Variants in URM1 observed in about 807,000 individuals in gnomAD.
URM1 encodes the protein ubiquitin related modifier 1.
URM1 carries 11 observed loss-of-function variants against 17.7 expected under a neutral mutation model. The ratio of observed to expected loss-of-function variants is 0.62; its 90% CI spans 0.39 to 1.03. The LOEUF (loss-of-function observed/expected upper bound fraction) is 1.03. URM1 is among the 50% of genes least tolerant of loss of function. URM1 has a pLI of 0.00. For synonymous variants in URM1, 48 were observed against 50.6 expected (o/e 0.95, Z 0.22); for missense variants, 128 against 129.2 (o/e 0.99, Z 0.04).
chr9:128,385,716 T>A (rs1376759162), intron 2 of URM1, among the ~76,000 whole-genome samples: 1 of 151,756 alleles, frequency 6.6e-6, no homozygotes, highest in African/African-American at 2.4e-5. Flanking sequence ...TCCCTGGGGG[T>A]GTGTTTCAGG....
At chr9:128,371,880 C>A (rs1012160295) in intron 1 of URM1, among the ~76,000 whole-genome samples, 1 of 152,208 alleles carries the variant, frequency 6.6e-6, no homozygotes, top group East Asian at 1.9e-4. Context: ...GGACTTTTTT[C>A]TTTTTCTTTC....
intron 1 of URM1, among the ~76,000 whole-genome samples, chr9:128,373,148 C>A (rs1833033762): frequency 6.6e-6 from 1 of 151,952 alleles, no homozygotes; most frequent in Non-Finnish European, 1.5e-5. Flanking sequence ...CAATAATGAC[C>A]CCTGGCAAGG....
intron 2 of URM1, among the ~76,000 whole-genome samples, chr9:128,384,619 C>T (rs146452361): frequency 1.2e-4 from 18 of 152,276 alleles, no homozygotes; most frequent in Admixed American, 7.2e-4. Context: ...CTGGGCAGAG[C>T]GTGCAGAAAC....
At chr9:128,373,896 A>C (rs191419428) in intron 1 of URM1, among the ~76,000 whole-genome samples, 1 of 152,370 alleles carries the variant, frequency 6.6e-6, no homozygotes, top group East Asian at 1.9e-4. Context: ...GAAGTAAATA[A>C]ACAAAATATA....
At position 128,378,096 on chromosome 9, in the gene URM1, G is replaced by A; in HGVS notation, c.96G>A (p.Gln32=). The change falls in exon 2 of 5, where the codon CAG becomes CAA. Residue 32 remains glutamine (Q), a synonymous_variant. Coordinates refer to ENST00000372853, the MANE Select transcript of URM1 (RefSeq NM_030914.4). ...IKKHRVTLPG[Q]EEPWDIRNLL... Reference sequence around the variant, plus strand: ...AACATCGAGTCACTTTGCCTGGACAGGAGGAACCCTGTGAGTATTGGCTTT... The same window carrying A: ...AACATCGAGTCACTTTGCCTGGACAAGAGGAACCCTGTGAGTATTGGCTTT... The A allele has an allele frequency of 6.2e-7, 1 of 1,607,600 alleles. No individual in the cohort carries two copies. The highest frequency in any genetic ancestry group is 8.5e-7 in the Non-Finnish European group (1 of 1,177,090).
intron 2 of URM1, among the ~76,000 whole-genome samples, chr9:128,384,096 C>T (rs1402714973): frequency 6.6e-6 from 1 of 152,180 alleles, no homozygotes; most frequent in Non-Finnish European, 1.5e-5. Flanking sequence ...ATTATTATCC[C>T]TGCTTGTCAG....
intron 1 of URM1, among the ~76,000 whole-genome samples, chr9:128,371,823 C>T (rs966350146): frequency 6.6e-6 from 1 of 152,208 alleles, no homozygotes; most frequent in South Asian, 2.1e-4. Flanking sequence ...TTTCTTTTTA[C>T]ACTGTTATTA....
chr9:128,379,582 G>A (rs1833130672), intron 2 of URM1, among the ~76,000 whole-genome samples: 1 of 151,976 alleles, frequency 6.6e-6, no homozygotes, highest in Non-Finnish European at 1.5e-5. Flanking sequence ...GGTGGATCAC[G>A]AGGTCAGGAG....
At chr9:128,374,550 C>T (rs1275903343) in intron 1 of URM1, among the ~76,000 whole-genome samples, 1 of 152,102 alleles carries the variant, frequency 6.6e-6, no homozygotes, top group Non-Finnish European at 1.5e-5. Context: ...GCCCTGTGCG[C>T]GGCCACAGAT....
intron 2 of URM1, among the ~76,000 whole-genome samples, chr9:128,386,755 C>T (rs1833232813): frequency 6.6e-6 from 1 of 152,382 alleles, no homozygotes; most frequent in Middle Eastern, 3.4e-3. Flanking sequence ...CCTGGGACTT[C>T]TCCAGCTTAG....
chr9:128,373,876 AG>A (rs1833043252), intron 1 of URM1, among the ~76,000 whole-genome samples: 1 of 152,214 alleles, frequency 6.6e-6, no homozygotes, highest in Admixed American at 6.5e-5. Context: ...GCAGCCCAGC[AG>A]GTGGAGAGGA....
chr9:128,387,698 G>T lies in URM1; in HGVS notation c.107-118G>T. 1 of 1,516,054 alleles carries T rather than the reference G, an allele frequency of 6.6e-7. No homozygotes were observed. Among genetic ancestry groups the T allele is most frequent in the South Asian group, 1.2e-5 (1 of 81,186 alleles). The allele number at this position is 1,516,054 out of a possible 1,614,324, so 93.9% of individuals were successfully genotyped here. ...ACAAGTTCATGGGCTATCACAGCCT[G>T]GTCTAAAAGAAGCCCTCTAAACACC... On this transcript the variant is annotated intron_variant, in intron 2 of 4. Transcript: ENST00000372853. The surrounding 1 kb of genome is among the most constrained non-coding windows in gnomAD (Gnocchi z 4.3).
chr9:128,380,482 C>G (rs930791900), intron 2 of URM1, among the ~76,000 whole-genome samples: 1 of 152,166 alleles, frequency 6.6e-6, no homozygotes, highest in African/African-American at 2.4e-5. Flanking sequence ...GGCCATGCAG[C>G]CTTGGGAGGG....
At chr9:128,388,354 C>T (rs1416458415) in intron 3 of URM1, 1 of 996,380 alleles carries the variant, frequency 1.0e-6, no homozygotes, top group African/African-American at 1.7e-5. Flanking sequence ...GAGTCATTGA[C>T]TCTGTGCGTG....
At position 128,389,743 on chromosome 9, in the gene URM1, C is replaced by T. The variant is rs1833281126; in HGVS notation, c.*9C>T. On this transcript the variant is annotated 3_prime_UTR_variant, in exon 5 of 5. Transcript: ENST00000372853. The stretch of plus-strand genomic sequence containing the variant: ...CTCTGCACGGCGGCTGAGGGCCCTT[C>T]TCTGGGCCTGGGCACCCTTAGAGGG... 1 of 1,613,330 alleles carries T rather than the reference C, an allele frequency of 6.2e-7. No individual in the cohort carries two copies. Among genetic ancestry groups the T allele is most frequent in the Admixed American group, 1.7e-5 (1 of 59,988 alleles).
At position 128,387,068 on chromosome 9, in the gene URM1, T is replaced by C. The variant is rs1006953293; in HGVS notation, c.107-748T>C. 2.0e-5 allele frequency among the ~76,000 whole-genome samples: 3 copies of C among 152,098 alleles called. No homozygotes were observed. Among genetic ancestry groups the C allele is most frequent in the Non-Finnish European group, 4.4e-5 (3 of 68,016 alleles). On this transcript the variant is annotated intron_variant, in intron 2 of 4. Transcript: ENST00000372853. This position sits in a 1 kb window ranked among gnomAD's most constrained non-coding sequence, Gnocchi z 4.3. ...AAGGACAGGTGACCCTGAAGACAGG[T>C]GGCTCTGAGCCTCCACATGACATAC... is the stretch of plus-strand genomic sequence containing the variant.
At position 128,389,838 on chromosome 9, in the gene URM1, T is replaced by C; in HGVS notation, c.*104T>C. ...CTCCCTGTCCCCCTTGCCTGCCTTCTTCCCTGCTCTGTCCCCTAAGCTCCC... is the reference window on the plus strand; with the variant it reads ...CTCCCTGTCCCCCTTGCCTGCCTTCCTCCCTGCTCTGTCCCCTAAGCTCCC... On this transcript the variant is annotated 3_prime_UTR_variant, in exon 5 of 5. Coordinates refer to ENST00000372853, the MANE Select transcript of URM1 (RefSeq NM_030914.4). The C allele has an allele frequency of 6.7e-7, 1 of 1,483,322 alleles. No homozygotes were observed. Among genetic ancestry groups the C allele is most frequent in the Non-Finnish European group, 9.2e-7 (1 of 1,088,240 alleles). 91.9% of individuals were successfully genotyped at this position (1,483,322 alleles called of 1,614,324 possible). A position where few individuals can be genotyped will look rare whatever the true frequency, so the allele number is the denominator to read the frequency against.
chr9:128,378,130 C>G lies in URM1; in HGVS notation c.106+24C>G, dbSNP rs374550806. The G allele has an allele frequency of 2.1e-4, 330 of 1,553,210 alleles. 1 individual carries two copies. Among genetic ancestry groups the G allele is most frequent in the Non-Finnish European group, 2.7e-4 (310 of 1,131,418 alleles). On this transcript the variant is annotated intron_variant, in intron 2 of 4. Transcript: ENST00000372853. ...CTGTGAGTATTGGCTTTCTGAACCCCTCTCTTGGGGCCATTGAACAGGAGT... is the reference window on the plus strand; with the variant it reads ...CTGTGAGTATTGGCTTTCTGAACCCGTCTCTTGGGGCCATTGAACAGGAGT...
intron 1 of URM1, among the ~76,000 whole-genome samples, chr9:128,377,399 G>A (rs1833091762): frequency 2.6e-5 from 4 of 152,086 alleles, no homozygotes; most frequent in Admixed American, 6.6e-5. Context: ...TGGGCCAGGC[G>A]CGGTGGCTCA....
Sources: gnomAD v4.1 joint callset for allele counts (sites outside exome capture counted in the v4.1 genomes callset) on GRCh38, gnomAD v4.1.1 for gene constraint, Gnocchi (gnomAD v3.1) non-coding constraint, MANE v1.5 for transcripts, NCBI Gene and HGNC (gene_info 2026-07-23, HGNC 2026-07-21) for gene names.